PPCDC: variants seen among roughly 807,000 people sequenced by gnomAD.
The protein encoded by PPCDC is phosphopantothenoylcysteine decarboxylase.
PPCDC carries 20 observed loss-of-function variants against 20.7 expected under a neutral mutation model. The observed-to-expected ratio is 0.97, with a 90% CI of 0.68 to 1.41. The LOEUF (loss-of-function observed/expected upper bound fraction) is 1.41. PPCDC is among the 40% of genes most tolerant of loss of function. The probability of loss-of-function intolerance (pLI) is 0.00; values close to 1 mark genes in which losing one functional copy is unlikely to be tolerated. For missense variants in PPCDC, 246 were observed against 263.8 expected (o/e 0.93, Z 0.47); for synonymous variants, 88 against 100.3 (o/e 0.88, Z 0.73).
intron 2 of PPCDC, among the ~76,000 whole-genome samples, chr15:75,030,465 C>T (rs905251839): frequency 6.6e-5 from 10 of 152,222 alleles, no homozygotes; most frequent in African/African-American, 1.9e-4. Context: ...TGTGGAGGGC[C>T]CATGCCTTTC....
At chr15:75,045,951 C>G (rs991146732) in intron 4 of PPCDC, among the ~76,000 whole-genome samples, 1 of 151,432 alleles carries the variant, frequency 6.6e-6, no homozygotes, top group Admixed American at 6.6e-5. Context: ...TGCCTCATGC[C>G]TATAACCCCA....
intron 4 of PPCDC, among the ~76,000 whole-genome samples, chr15:75,047,652 C>T (rs1867149): frequency 0.54 from 81,293 of 151,692 alleles, 22,182 homozygotes; most frequent in East Asian, 0.82. Context: ...TGTTTTGTGC[C>T]TGGCCCTGCG....
chr15:75,025,296 C>T (rs1200876574), intron 1 of PPCDC, among the ~76,000 whole-genome samples: 2 of 152,174 alleles, frequency 1.3e-5, no homozygotes, highest in African/African-American at 4.8e-5. Context: ...CTACCCACCA[C>T]CCACTTCCCT....
At position 75,049,275 on chromosome 15, in the gene PPCDC, T is replaced by C. The variant is rs1375760925; in HGVS notation, c.*40T>C. On this transcript the variant is annotated 3_prime_UTR_variant, in exon 6 of 6. Transcript: ENST00000342932. ...CATGGGTGTCCCTCTGTACTCAGAATGGGTTCAGGCCAAGTCGGTGAAGAT... is the reference window on the plus strand; with the variant it reads ...CATGGGTGTCCCTCTGTACTCAGAACGGGTTCAGGCCAAGTCGGTGAAGAT... 6.3e-7 allele frequency: 1 copy of C among 1,588,134 alleles called. No homozygotes were observed. The highest frequency in any genetic ancestry group is 1.3e-5 in the African/African-American group (1 of 74,334).
At chr15:75,049,124 T>G in intron 5 of PPCDC, 26 bp from the exon 6 acceptor site, 1 of 1,603,828 alleles carries the variant, frequency 6.2e-7, no homozygotes, top group South Asian at 1.1e-5. Flanking sequence ...TTGGCCTGTC[T>G]GGCCACAGCG....
rs561051566 is a variant in PPCDC at position 75,041,814 on chromosome 15, T to C, written c.136-1627T>C. On this transcript the variant is annotated intron_variant, in intron 2 of 5. Coordinates refer to ENST00000342932, the MANE Select transcript of PPCDC (RefSeq NM_021823.5). ...AGACTTCTACTCCTTGGTCCTAGCT[T>C]TGTTCCTAGGCGCTGTGCCGCTGTG... Among the ~76,000 whole-genome samples, 21 of 152,288 alleles carry C rather than the reference T, an allele frequency of 1.4e-4. No homozygotes were observed. In the South Asian group the frequency reaches 3.3e-3, roughly 24 times the overall value.
intron 2 of PPCDC, among the ~76,000 whole-genome samples, chr15:75,034,774 G>T (rs1400820085): frequency 6.6e-6 from 1 of 152,158 alleles, no homozygotes; most frequent in Non-Finnish European, 1.5e-5. Flanking sequence ...CACAGATTAA[G>T]TGCGGGGCTA....
At chr15:75,049,017 C>G in intron 5 of PPCDC, 133 bp from the exon 6 acceptor site, 2 of 895,886 alleles carry the variant, frequency 2.2e-6, no homozygotes, top group Non-Finnish European at 3.5e-6. Flanking sequence ...TCTGATGTGT[C>G]TGGCTCAGGC....
chr15:75,023,792 C>T (rs1025666024), intron 1 of PPCDC, among the ~76,000 whole-genome samples, 166 bp downstream of exon 1: 1 of 152,140 alleles, frequency 6.6e-6, no homozygotes, highest in African/African-American at 2.4e-5. Flanking sequence ...GGTAGGCGGC[C>T]GTCCATCTGT....
At chr15:75,034,490 A>T (rs2066062182) in intron 2 of PPCDC, among the ~76,000 whole-genome samples, 1 of 152,096 alleles carries the variant, frequency 6.6e-6, no homozygotes, top group Admixed American at 6.5e-5. Flanking sequence ...AGCCAACCGG[A>T]ACTCCCTTGG....
At chr15:75,027,802 C>T (rs555620541) in intron 1 of PPCDC, among the ~76,000 whole-genome samples, 2 of 152,324 alleles carry the variant, frequency 1.3e-5, no homozygotes, top group Admixed American at 6.5e-5. Context: ...CTTTCTGCCC[C>T]TCTACCACCC....
intron 1 of PPCDC, among the ~76,000 whole-genome samples, chr15:75,024,414 C>T (rs1437153758): frequency 2.0e-5 from 3 of 152,018 alleles, no homozygotes; most frequent in Admixed American, 2.0e-4. Context: ...GTGGCAGGAA[C>T]ATGGCTCACT....
At chr15:75,043,565 C>A in intron 3 of PPCDC, 29 bp downstream of exon 3, 2 of 1,546,118 alleles carry the variant, frequency 1.3e-6, no homozygotes, top group Non-Finnish European at 1.8e-6. Flanking sequence ...GGGCTGAGTT[C>A]CATTGAGTTT....
intron 1 of PPCDC, 47 bp downstream of exon 1, chr15:75,023,673 G>C (rs762641288): frequency 6.6e-6 from 1 of 152,396 alleles, no homozygotes; most frequent in Non-Finnish European, 1.5e-5. Context: ...GCGGCGGCGC[G>C]GGAGGGGAGG....
intron 4 of PPCDC, among the ~76,000 whole-genome samples, chr15:75,046,314 G>A (rs557735418): frequency 2.6e-5 from 4 of 152,372 alleles, no homozygotes; most frequent in East Asian, 1.9e-4. Context: ...ATCAAATTGG[G>A]TCAGAGTTGT....
intron 4 of PPCDC, 48 bp downstream of exon 4, chr15:75,044,562 G>T (rs1567063376): frequency 6.3e-7 from 1 of 1,592,666 alleles, no homozygotes; most frequent in Admixed American, 1.7e-5. Context: ...CTCACACCCA[G>T]TTTGCTGAGC....
chr15:75,028,510 C>T (rs2065984816), intron 2 of PPCDC, 57 bp downstream of exon 2: 11 of 1,603,942 alleles, frequency 6.9e-6, no homozygotes, highest in African/African-American at 2.7e-5. Context: ...CCGGTGCTCC[C>T]GGGGATGGCC....
At chr15:75,031,576 C>T (rs1295969627) in intron 2 of PPCDC, among the ~76,000 whole-genome samples, 4 of 152,010 alleles carry the variant, frequency 2.6e-5, no homozygotes, top group African/African-American at 7.3e-5. Flanking sequence ...TTGTGGTGGG[C>T]GCCTATAATC....
chr15:75,044,565 T>G, intron 4 of PPCDC, 51 bp downstream of exon 4: 1 of 1,588,980 alleles, frequency 6.3e-7, no homozygotes, highest in African/African-American at 1.3e-5. Flanking sequence ...ACACCCAGTT[T>G]GCTGAGCTGC....
Sources: gnomAD v4.1 joint callset for allele counts (sites outside exome capture counted in the v4.1 genomes callset) on GRCh38, gnomAD v4.1.1 for gene constraint, MANE v1.5 for transcripts, NCBI Gene and HGNC (gene_info 2026-07-23, HGNC 2026-07-21) for gene names.